Variants in CASP8 observed in about 807,000 individuals in gnomAD.
CASP8 encodes caspase 8, also known as caspase-8.
CASP8 carries 24 observed loss-of-function variants against 46.3 expected under a neutral mutation model. The ratio of observed to expected loss-of-function variants is 0.52; its 90% CI spans 0.38 to 0.73. The LOEUF (loss-of-function observed/expected upper bound fraction) is 0.73, where lower values mean the gene tolerates loss of function less well. Ranked by LOEUF, CASP8 falls within the 30% of genes least tolerant of loss-of-function variation. CASP8 has a pLI of 0.00. For missense variants in CASP8, 460 were observed against 559.0 expected (o/e 0.82, Z 1.79); for synonymous variants, 188 against 200.4 (o/e 0.94, Z 0.52).
intron 2 of CASP8, chr2:201,242,640 G>T (rs753625837): frequency 6.6e-6 from 1 of 152,002 alleles, no homozygotes; most frequent in African/African-American, 2.4e-5. Flanking sequence ...TACAAATTTG[G>T]TGTGATCTCT....
chr2:201,251,629 G>A (rs527288564), intron 2 of CASP8, among the ~76,000 whole-genome samples: 3 of 150,500 alleles, frequency 2.0e-5, no homozygotes, highest in East Asian at 3.9e-4. Flanking sequence ...ATGGCCAGGC[G>A]CAGTGGCTCA....
chr2:201,258,302 C>A (rs374248653), upstream of CASP8: 72 of 1,613,690 alleles, frequency 4.5e-5, no homozygotes, highest in Non-Finnish European at 5.7e-5. Context: ...GCCTTTCCCA[C>A]CCCCTTCCCT....
At chr2:201,253,099 C>T (rs1442129796) in intron 2 of CASP8, among the ~76,000 whole-genome samples, 1 of 151,948 alleles carries the variant, frequency 6.6e-6, no homozygotes, top group Non-Finnish European at 1.5e-5. Context: ...ATCCTCCTGC[C>T]TCAGCCTCCT....
intron 2 of CASP8, among the ~76,000 whole-genome samples, chr2:201,244,709 C>T (rs1946436934): frequency 6.6e-6 from 1 of 152,168 alleles, no homozygotes; most frequent in African/African-American, 2.4e-5. Flanking sequence ...AATCCATGCT[C>T]AGCACCAAAG....
chr2:201,261,718 G>A (rs564908937), intron 1 of CASP8, among the ~76,000 whole-genome samples: 12 of 152,294 alleles, frequency 7.9e-5, no homozygotes, highest in Admixed American at 1.3e-4. Context: ...ACTACCTGCC[G>A]GTTAGGGGTT....
At chr2:201,240,845 G>A (rs996503609) in intron 2 of CASP8, 8 of 151,996 alleles carry the variant, frequency 5.3e-5, no homozygotes, top group Non-Finnish European at 1.0e-4. Flanking sequence ...TGACCATGAT[G>A]GAATGAAACT....
rs193070596 is a variant in CASP8, at chr2:201,250,660, C to T, written c.-26-15801C>T. ...GATCCAATCACCTCCCACCAGGCTC[C>T]GCCTCCAACATTAGGAATTACAACT... On this transcript the variant is annotated intron_variant, in intron 2 of 6. Coordinates refer to the CASP8 transcript ENST00000264274. Among the ~76,000 whole-genome samples, 15 of 152,346 alleles carry T rather than the reference C, an allele frequency of 9.8e-5. No homozygotes were observed. The East Asian group carries it at 2.1e-3, about 22-fold the overall frequency.
chr2:201,241,699 T>C (rs957545710), intron 2 of CASP8: 7 of 152,264 alleles, frequency 4.6e-5, no homozygotes, highest in Admixed American at 6.5e-5. Flanking sequence ...AAATTTATTT[T>C]ATGTGGCCAA....
At chr2:201,247,653 A>T (rs1443311553) in intron 2 of CASP8, among the ~76,000 whole-genome samples, 2 of 141,266 alleles carry the variant, frequency 1.4e-5, no homozygotes, top group African/African-American at 2.7e-5. Flanking sequence ...TAATTCTTGT[A>T]TTTTTTTTTG....
At chr2:201,273,052 C>G in intron 5 of CASP8, 110 bp downstream of exon 5, 1 of 646,374 alleles carries the variant, frequency 1.5e-6, no homozygotes. Context: ...GCCTGCTCTA[C>G]TTTTTCTTTT....
intron 7 of CASP8, chr2:201,277,595 A>C: frequency 3.2e-6 from 1 of 309,646 alleles, no homozygotes; most frequent in Non-Finnish European, 6.2e-6. Flanking sequence ...AATAGTGTTT[A>C]TCAGGCATAA....
intron 2 of CASP8, among the ~76,000 whole-genome samples, chr2:201,251,312 TG>T (rs1166290902): frequency 1.3e-5 from 2 of 152,174 alleles, no homozygotes; most frequent in East Asian, 3.8e-4. Flanking sequence ...GCATATGCTT[TG>T]GCCAGGCGCG....
At chr2:201,239,009 C>T (rs1051617124) in intron 2 of CASP8, among the ~76,000 whole-genome samples, 2 of 152,132 alleles carry the variant, frequency 1.3e-5, no homozygotes, top group African/African-American at 4.8e-5. Context: ...TTTAACAAAG[C>T]ACATCTTGCA....
In CASP8 at chr2:201,284,796, G is replaced by A. The variant is rs763702714; in HGVS notation, c.803-20G>A. The A allele has an allele frequency of 1.9e-6, 3 of 1,596,538 alleles. No individual in the cohort carries two copies. Among genetic ancestry groups the A allele is most frequent in the Non-Finnish European group, 2.6e-6 (3 of 1,173,380 alleles). ...TGAATTACTGTGGTATAACGTGACT[G>A]TTCAAATTTCACTTTTCAGGGGCTT... is the stretch of plus-strand genomic sequence containing the variant. On this transcript the variant is annotated intron_variant, in intron 7 of 8. Transcript: ENST00000673742.
chr2:201,250,598 G>A (rs1946735722), intron 2 of CASP8, among the ~76,000 whole-genome samples: 1 of 152,182 alleles, frequency 6.6e-6, no homozygotes, highest in African/African-American at 2.4e-5. Flanking sequence ...AAACAGCACT[G>A]TGGGGATGGT....
At chr2:201,274,318 G>A (rs1253064357) in intron 5 of CASP8, among the ~76,000 whole-genome samples, 1 of 152,134 alleles carries the variant, frequency 6.6e-6, no homozygotes, top group Non-Finnish European at 1.5e-5. Flanking sequence ...TGGCCATGTG[G>A]AGCAATATAA....
intron 2 of CASP8, among the ~76,000 whole-genome samples, chr2:201,239,840 G>T (rs1323317648): frequency 2.0e-5 from 3 of 152,174 alleles, no homozygotes; most frequent in Non-Finnish European, 4.4e-5. Flanking sequence ...GTCCCTGATG[G>T]CTTCTGATGC....
At position 201,282,436 on chromosome 2, in the gene CASP8, C is replaced by A. The variant is rs376792774; in HGVS notation, c.803-2380C>A. 4.4e-4 allele frequency among the ~76,000 whole-genome samples: 37 copies of A among 84,782 alleles called. 1 individual carries two copies. The East Asian group carries it at 0.01, about 24-fold the overall frequency. The allele number at this position is 84,782 out of a possible 152,430, so 55.6% of individuals were successfully genotyped here. On this transcript the variant is annotated intron_variant, in intron 7 of 8. Coordinates refer to ENST00000673742, the MANE Select transcript of CASP8 (RefSeq NM_001372051.1). Reference sequence around the variant, plus strand: ...CCGCCATTGTCATCATGGCCCATCCCCAATGAGCCGCTGGGCACACCTCCC... The same window carrying A: ...CCGCCATTGTCATCATGGCCCATCCACAATGAGCCGCTGGGCACACCTCCC...
chr2:201,258,602 C>T (rs1234041089), upstream of CASP8, among the ~76,000 whole-genome samples: 2 of 152,210 alleles, frequency 1.3e-5, no homozygotes, highest in African/African-American at 4.8e-5. Context: ...GTCTCCAGTT[C>T]CTCTGCTACC....
Sources: allele counts gnomAD v4.1 joint callset (sites outside exome capture counted in the v4.1 genomes callset), GRCh38; gene constraint gnomAD v4.1.1; transcripts MANE v1.5; gene names NCBI Gene and HGNC (gene_info 2026-07-23, HGNC 2026-07-21).